Variants in GPC6 observed in about 807,000 individuals in gnomAD.
GPC6 encodes glypican-6.
GPC6 carries 14 observed loss-of-function variants against 55.2 expected under a neutral mutation model. The ratio of observed to expected loss-of-function variants is 0.25; its 90% CI spans 0.17 to 0.40. The LOEUF is 0.40. GPC6 is among the 10% of genes least tolerant of loss of function. The probability of loss-of-function intolerance (pLI) is 1.00; values close to 1 mark genes in which losing one functional copy is unlikely to be tolerated. For missense variants in GPC6, 641 were observed against 708.5 expected (o/e 0.90, Z 1.08); for synonymous variants, 278 against 259.6 (o/e 1.07, Z -0.68).
At chr13:94,212,102 A>T (rs1445986376) in intron 4 of GPC6, among the ~76,000 whole-genome samples, 1 of 152,202 alleles carries the variant, frequency 6.6e-6, no homozygotes, top group African/African-American at 2.4e-5. Flanking sequence ...CATCGACTAA[A>T]CATGGTAGGA....
intron 1 of GPC6, among the ~76,000 whole-genome samples, chr13:93,317,220 T>C (rs7321055): frequency 0.59 from 90,056 of 151,960 alleles, 26,892 homozygotes; most frequent in East Asian, 0.77. Flanking sequence ...TCTTTCCTAT[T>C]AAGAATTTGA....
chr13:93,237,285 C>A (rs981197936), intron 1 of GPC6, among the ~76,000 whole-genome samples: 1 of 152,090 alleles, frequency 6.6e-6, no homozygotes, highest in Non-Finnish European at 1.5e-5. Context: ...AAGGTGGTAT[C>A]TCATTGTAGT....
chr13:93,860,433 T>C (rs1341990571), intron 3 of GPC6, among the ~76,000 whole-genome samples: 1 of 151,732 alleles, frequency 6.6e-6, no homozygotes, highest in African/African-American at 2.4e-5. Flanking sequence ...AGGCTCATTT[T>C]CATCTTTTCT....
chr13:93,926,590 A>G (rs936686425), intron 3 of GPC6, among the ~76,000 whole-genome samples: 3 of 152,210 alleles, frequency 2.0e-5, no homozygotes, highest in Non-Finnish European at 4.4e-5. Flanking sequence ...TGTGTGACAC[A>G]TATGTTTGAC....
Position 93,767,677 on chromosome 13 carries a change from C to G in GPC6, c.320-62477C>G, listed in dbSNP as rs547829935. Among the ~76,000 whole-genome samples, 9 of 152,252 alleles carry G rather than the reference C, an allele frequency of 5.9e-5. No homozygotes were observed. The South Asian group carries it at 1.9e-3, about 32-fold the overall frequency. On this transcript the variant is annotated intron_variant, in intron 2 of 8. Transcript: ENST00000377047. Reference sequence around the variant, plus strand: ...TGAAGGGGGAATTATTGGAAACACTCTTGCACTGATCAGTAAAAACCGATT... The same window carrying G: ...TGAAGGGGGAATTATTGGAAACACTGTTGCACTGATCAGTAAAAACCGATT...
intron 1 of GPC6, among the ~76,000 whole-genome samples, chr13:93,244,144 G>A (rs1454520102): frequency 6.6e-6 from 1 of 152,148 alleles, no homozygotes; most frequent in Non-Finnish European, 1.5e-5. Flanking sequence ...GAGAGGAATG[G>A]AACCACTTTC....
chr13:94,355,916 T>C (rs1878770608), intron 6 of GPC6, among the ~76,000 whole-genome samples: 1 of 152,192 alleles, frequency 6.6e-6, no homozygotes, highest in African/African-American at 2.4e-5. Context: ...TAGCTATTTA[T>C]CCTGATGCTC....
intron 2 of GPC6, among the ~76,000 whole-genome samples, chr13:93,637,597 C>G (rs968168333): frequency 5.9e-5 from 9 of 152,118 alleles, no homozygotes; most frequent in Non-Finnish European, 1.0e-4. Context: ...AGCCTCAGAA[C>G]TTTCCTATAG....
rs980431 is a variant in GPC6, at chr13:93,786,594, A to C, written c.320-43560A>C. ...TAAAATTTCCAGTTGAAAAAAAAAA[A>C]ACCATTTTTGTGAACCATTAAAATG... On this transcript the variant is annotated intron_variant, in intron 2 of 8. Transcript: ENST00000377047. Among the ~76,000 whole-genome samples the C allele has an allele frequency of 5.3e-3, 804 of 152,260 alleles. 2 individuals carry two copies. Among genetic ancestry groups the C allele is most frequent in the Admixed American group, 7.4e-3 (113 of 15,290 alleles).
intron 2 of GPC6, among the ~76,000 whole-genome samples, chr13:93,819,334 G>C (rs1886967118): frequency 6.6e-6 from 1 of 152,154 alleles, no homozygotes; most frequent in African/African-American, 2.4e-5. Flanking sequence ...AGGTGAAGAA[G>C]GAACGGGAGC....
intron 2 of GPC6, among the ~76,000 whole-genome samples, chr13:93,809,137 C>A (rs978184842): frequency 2.0e-5 from 3 of 152,170 alleles, no homozygotes; most frequent in African/African-American, 7.2e-5. Context: ...AGTCTTGTAA[C>A]TACCTGGCAA....
At chr13:93,912,747 A>T (rs375766071) in intron 3 of GPC6, among the ~76,000 whole-genome samples, 7 of 152,144 alleles carry the variant, frequency 4.6e-5, no homozygotes, top group African/African-American at 1.7e-4. Flanking sequence ...CGTCTCAAAA[A>T]AAACAAAACA....
At chr13:93,567,548 C>T (rs1021419967) in intron 2 of GPC6, among the ~76,000 whole-genome samples, 2 of 151,790 alleles carry the variant, frequency 1.3e-5, no homozygotes, top group African/African-American at 4.8e-5. Context: ...TGGTCTCGAT[C>T]TCCTGACCTC....
In GPC6 at chr13:94,027,869, C is replaced by T. The variant is rs376813112; in HGVS notation, c.852C>T (p.Leu284=). 2.0e-5 allele frequency: 33 copies of T among 1,613,776 alleles called. No individual in the cohort carries two copies. The highest frequency in any genetic ancestry group is 2.5e-5 in the Non-Finnish European group (30 of 1,179,950). ...MKGCLANQAD[L]DTEWNLFIDA... ...GCTGCTTGGCAAATCAGGCTGACCT[C>T]GACACAGAGTGGAATCTGTTTATAG... The change falls in exon 4 of 9, where the codon CTC becomes CTT. Residue 284 remains leucine, a synonymous_variant. Coordinates refer to ENST00000377047, the MANE Select transcript of GPC6 (RefSeq NM_005708.5).
At chr13:94,390,721 T>A (rs1013599923) in intron 7 of GPC6, among the ~76,000 whole-genome samples, 1 of 152,108 alleles carries the variant, frequency 6.6e-6, no homozygotes, top group Non-Finnish European at 1.5e-5. Flanking sequence ...ATCCAAACCA[T>A]ATCAGTGGGA....
intron 2 of GPC6, among the ~76,000 whole-genome samples, chr13:93,662,853 T>G (rs921591731): frequency 2.0e-5 from 3 of 152,092 alleles, no homozygotes; most frequent in Admixed American, 6.6e-5. Flanking sequence ...AAATTGAAAT[T>G]TAAAACAACA....
At chr13:93,517,535 T>G (rs1202004072) in intron 1 of GPC6, among the ~76,000 whole-genome samples, 1 of 152,116 alleles carries the variant, frequency 6.6e-6, no homozygotes. Context: ...ATTAATTCAT[T>G]CACATTTGGT....
At chr13:94,243,701 C>T (rs1315263787) in intron 4 of GPC6, among the ~76,000 whole-genome samples, 1 of 152,130 alleles carries the variant, frequency 6.6e-6, no homozygotes. Context: ...CATTAGTGCT[C>T]AATCCTCATG....
intron 1 of GPC6, among the ~76,000 whole-genome samples, chr13:93,498,578 G>T (rs1005560684): frequency 6.6e-6 from 1 of 152,174 alleles, no homozygotes; most frequent in African/African-American, 2.4e-5. Flanking sequence ...GATCTGATGG[G>T]TTTATCAGGG....
Sources: gnomAD v4.1 joint callset for allele counts (sites outside exome capture counted in the v4.1 genomes callset) on GRCh38, gnomAD v4.1.1 for gene constraint, MANE v1.5 for transcripts, NCBI Gene and HGNC (gene_info 2026-07-23, HGNC 2026-07-21) for gene names.